Variants in HIVEP2 observed in about 807,000 individuals in gnomAD.
HIVEP2 encodes HIVEP zinc finger 2.
In HIVEP2, 14 loss-of-function variants were observed where a neutral mutation model predicts 180.7. The observed-to-expected ratio is 0.08, with a 90% CI of 0.05 to 0.12. The LOEUF is 0.12. Ranked by LOEUF, HIVEP2 falls within the 10% of genes least tolerant of loss-of-function variation. The pLI, the probability that HIVEP2 is intolerant of heterozygous loss-of-function variation, is 1.00. For missense variants in HIVEP2, 2,579 were observed against 3,008.5 expected (o/e 0.86, Z 3.34); for synonymous variants, 1,184 against 1,136.4 (o/e 1.04, Z -0.84).
At chr6:142,883,621 G>A (rs1352186325) in intron 1 of HIVEP2, among the ~76,000 whole-genome samples, 1 of 152,132 alleles carries the variant, frequency 6.6e-6, no homozygotes, top group African/African-American at 2.4e-5. Context: ...GTAGGGCAAA[G>A]AACAGTAGCA....
chr6:142,756,797 T>TTATCTGTC (rs1554274728), intron 9 of HIVEP2, among the ~76,000 whole-genome samples: 78 of 150,030 alleles, frequency 5.2e-4, no homozygotes, highest in East Asian at 4.0e-4. Context: ...AAAAGATACC[T>TTATCTGTC]TATCTATCTA....
At chr6:142,932,739 C>T (rs1777969863) in intron 1 of HIVEP2, among the ~76,000 whole-genome samples, 1 of 152,182 alleles carries the variant, frequency 6.6e-6, no homozygotes, top group Admixed American at 6.5e-5. Context: ...CGGAATAGGC[C>T]TCCCTAAGAA....
chr6:142,922,770 G>T (rs1196222132), intron 1 of HIVEP2, among the ~76,000 whole-genome samples: 4 of 152,090 alleles, frequency 2.6e-5, no homozygotes, highest in South Asian at 4.2e-4. Context: ...AACAGAACTG[G>T]CTCTCAATAA....
intron 9 of HIVEP2, among the ~76,000 whole-genome samples, chr6:142,758,020 T>C (rs767707972): frequency 6.8e-6 from 1 of 147,048 alleles, no homozygotes; most frequent in Non-Finnish European, 1.5e-5. Flanking sequence ...AGGGAGAGGC[T>C]CATCTAACAC....
At chr6:142,913,576 G>GGT (rs1283217585) in intron 1 of HIVEP2, among the ~76,000 whole-genome samples, 2 of 152,202 alleles carry the variant, frequency 1.3e-5, no homozygotes, top group Non-Finnish European at 2.9e-5. Flanking sequence ...GGAAGAAAGA[G>GGT]GTGTCTACAG....
At chr6:142,895,458 C>A (rs770579277) in intron 1 of HIVEP2, among the ~76,000 whole-genome samples, 1 of 152,052 alleles carries the variant, frequency 6.6e-6, no homozygotes, top group African/African-American at 2.4e-5. Context: ...AGTCTATGGG[C>A]AATCCACATC....
At chr6:142,811,755 T>C (rs909127181) in intron 2 of HIVEP2, among the ~76,000 whole-genome samples, 7 of 152,214 alleles carry the variant, frequency 4.6e-5, no homozygotes, top group African/African-American at 1.7e-4. Context: ...AAATCCTTTA[T>C]GTAGCAATTA....
chr6:142,849,726 C>T (rs1329219392), intron 1 of HIVEP2, among the ~76,000 whole-genome samples: 1 of 151,950 alleles, frequency 6.6e-6, no homozygotes, highest in East Asian at 1.9e-4. Flanking sequence ...ACTATGTTGC[C>T]CAGGCTGGTC....
chr6:142,772,999 C>G lies in HIVEP2; in HGVS notation c.1740G>C (p.Gly580=). Reference sequence around the variant, plus strand: ...TGCGCTGAGGGGGTATGCCCACGGTCCCTGGATAGAATACATCGTCGGAAC... The same window carrying G: ...TGCGCTGAGGGGGTATGCCCACGGTGCCTGGATAGAATACATCGTCGGAAC... ...MTGSDDVFYP[G]TVGIPPQRML... Residue 580 remains glycine (G), a synonymous_variant, in exon 5 of 10, where the codon GGG becomes GGC. Transcript: ENST00000367603. This position sits in a 1 kb window ranked among gnomAD's most constrained non-coding sequence, Gnocchi z 4.9. 6.2e-7 allele frequency: 1 copy of G among 1,614,162 alleles called. No homozygotes were observed. The highest frequency in any genetic ancestry group is 8.5e-7 in the Non-Finnish European group (1 of 1,180,034).
rs141336206 is a variant in HIVEP2 at position 142,823,872 on chromosome 6, A to T, written c.-528+13063T>A. ...ATTCAATTTCAAAAAAATATTAAAAAGCTTCAGCAGCATTTAAATAATTTT... is the reference window on the plus strand; with the variant it reads ...ATTCAATTTCAAAAAAATATTAAAATGCTTCAGCAGCATTTAAATAATTTT... On this transcript the variant is annotated intron_variant, in intron 2 of 9. Coordinates refer to ENST00000367603, the MANE Select transcript of HIVEP2 (RefSeq NM_006734.4). Among the ~76,000 whole-genome samples, 52 of 152,346 alleles carry T rather than the reference A, an allele frequency of 3.4e-4. No individual in the cohort carries two copies. In the East Asian group the frequency reaches 0.01, roughly 29 times the overall value.
intron 2 of HIVEP2, among the ~76,000 whole-genome samples, chr6:142,815,953 T>C (rs907479084): frequency 6.6e-6 from 1 of 152,236 alleles, no homozygotes; most frequent in Non-Finnish European, 1.5e-5. Context: ...GTTCTTGCTA[T>C]ACACATAACT....
intron 1 of HIVEP2, among the ~76,000 whole-genome samples, chr6:142,850,692 A>T (rs951322676): frequency 4.6e-5 from 7 of 152,238 alleles, no homozygotes; most frequent in Non-Finnish European, 1.0e-4. Context: ...TTATTCAGAC[A>T]TCTAGATGGG....
chr6:142,775,010 T>C lies in HIVEP2; in HGVS notation c.-272A>G, dbSNP rs1562510759. 8.5e-7 allele frequency: 1 copy of C among 1,176,766 alleles called. No homozygotes were observed. Among genetic ancestry groups the C allele is most frequent in the Non-Finnish European group, 1.1e-6 (1 of 951,188 alleles). The allele number at this position is 1,176,766 out of a possible 1,614,324, so 72.9% of individuals were successfully genotyped here. A position where few individuals can be genotyped will look rare whatever the true frequency, so the allele number is the denominator to read the frequency against. On this transcript the variant is annotated 5_prime_UTR_variant, in exon 5 of 10. The change creates a new upstream start codon in the 5' untranslated region. Transcript: ENST00000367603. The stretch of plus-strand genomic sequence containing the variant: ...TAAGTGCAAATCTATAAAGATTTCT[T>C]ATGGCATTTGAAAATTTTCAACTAG...
intron 1 of HIVEP2, among the ~76,000 whole-genome samples, chr6:142,866,186 C>T (rs1189358602): frequency 6.6e-6 from 1 of 152,140 alleles, no homozygotes; most frequent in Non-Finnish European, 1.5e-5. Flanking sequence ...CTCTAATGCC[C>T]TCTAGAACCT....
At chr6:142,834,439 T>A (rs551559854) in intron 2 of HIVEP2, among the ~76,000 whole-genome samples, 106 of 152,170 alleles carry the variant, frequency 7.0e-4, no homozygotes, top group African/African-American at 2.4e-3. Flanking sequence ...TTTATGAGAG[T>A]CTTAATAATT....
chr6:142,842,955 G>A (rs866286572), intron 1 of HIVEP2, among the ~76,000 whole-genome samples: 7 of 152,244 alleles, frequency 4.6e-5, no homozygotes, highest in Middle Eastern at 3.4e-3. Flanking sequence ...TGACAACATC[G>A]TAGTTACAGT....
In HIVEP2 at chr6:142,772,975, G is replaced by A. The variant is rs771358298; in HGVS notation, c.1764C>T (p.Arg588=). ...YPGTVGIPPQ[R]MLRRQAAFEL... is the part of the protein sequence containing the mutation. ...CAAATGCCGCTTGTCTTCTTAGCATGCGCTGAGGGGGTATGCCCACGGTCC... is the reference window on the plus strand; with the variant it reads ...CAAATGCCGCTTGTCTTCTTAGCATACGCTGAGGGGGTATGCCCACGGTCC... Residue 588 remains arginine (R), a synonymous_variant, in exon 5 of 10, where the codon CGC becomes CGT. Coordinates refer to ENST00000367603, the MANE Select transcript of HIVEP2 (RefSeq NM_006734.4). The surrounding 1 kb of genome is among the most constrained non-coding windows in gnomAD (Gnocchi z 4.9). 1.9e-6 allele frequency: 3 copies of A among 1,614,170 alleles called. No homozygotes were observed. Among genetic ancestry groups the A allele is most frequent in the African/African-American group, 2.7e-5 (2 of 75,036 alleles).
Position 142,753,556 on chromosome 6 carries a change from T to A in HIVEP2, c.6892A>T (p.Thr2298Ser), listed in dbSNP as rs201009823. ...ATCAACAGCCGAGGAGAGGAGGGAG[T>A]GCTAGGTGGACCAGATGACTGCAAA... The part of the protein sequence containing the change: ...HALQSSGPPS[T>S]PSSPRLLMKQ... Residue 2298 changes from threonine to serine, a missense_variant, in exon 10 of 10, where the codon ACT (threonine) becomes TCT (serine). By Grantham distance (58) the Thr-to-Ser change is moderately conservative (BLOSUM62 1). Transcript: ENST00000367603. The A allele has an allele frequency of 1.7e-4, 279 of 1,613,884 alleles. 1 individual carries two copies. The highest frequency in any genetic ancestry group is 3.3e-4 in the Middle Eastern group (2 of 6,060).
intron 1 of HIVEP2, among the ~76,000 whole-genome samples, chr6:142,865,805 C>T (rs1776124613): frequency 6.6e-6 from 1 of 152,164 alleles, no homozygotes; most frequent in South Asian, 2.1e-4. Context: ...ATCAGCTCTA[C>T]TGCCTTGGGA....
Sources: gnomAD v4.1 joint callset for allele counts (sites outside exome capture counted in the v4.1 genomes callset) on GRCh38, gnomAD v4.1.1 for gene constraint, Gnocchi (gnomAD v3.1) non-coding constraint, MANE v1.5 for transcripts, NCBI Gene and HGNC (gene_info 2026-07-23, HGNC 2026-07-21) for gene names.